The following SULF1 variants were observed in gnomAD, a reference collection of about 807,000 sequenced individuals.
The protein encoded by SULF1 is extracellular sulfatase Sulf-1.
Under a neutral mutation model 110.5 loss-of-function variants are expected in SULF1, and 46 were observed. The observed-to-expected ratio is 0.42, with a 90% CI of 0.33 to 0.53. The LOEUF (loss-of-function observed/expected upper bound fraction) is 0.53, where lower values mean the gene tolerates loss of function less well. Among genes scored for constraint, SULF1 ranks in the 20% least tolerant of loss-of-function variants. The probability of loss-of-function intolerance (pLI) is 0.12; values close to 1 mark genes in which losing one functional copy is unlikely to be tolerated. For synonymous variants in SULF1, 371 were observed against 387.1 expected (o/e 0.96, Z 0.49); for missense variants, 941 against 1,094.2 (o/e 0.86, Z 1.98).
rs1001736425 is a variant in SULF1, at chr8:69,659,285, T to C, written c.*750T>C. 7 of 438,744 alleles carry C rather than the reference T, an allele frequency of 1.6e-5. No homozygotes were observed. Among genetic ancestry groups the C allele is most frequent in the Non-Finnish European group, 3.2e-5 (7 of 219,386 alleles). The allele number at this position is 438,744 out of a possible 1,614,324, so 27.2% of individuals were successfully genotyped here. ...CACGAAAAGGAGAAGTCACAGCACC[T>C]AGAAGGCAGCGCCTCCTCTTCACTC... On this transcript the variant is annotated 3_prime_UTR_variant, in exon 23 of 23. Coordinates refer to ENST00000402687, the MANE Select transcript of SULF1 (RefSeq NM_001128205.2).
In SULF1 at chr8:69,601,789, C is replaced by T. The variant is rs775752303; in HGVS notation, c.1021C>T (p.Pro341Ser). 6.2e-7 allele frequency: 1 copy of T among 1,610,974 alleles called. No individual in the cohort carries two copies. The highest frequency in any genetic ancestry group is 2.2e-5 in the East Asian group (1 of 44,692). The change falls in exon 10 of 23, where the codon CCT becomes TCT. Residue 341 changes from proline to serine, a missense_variant. Physicochemically the swap from Pro to Ser is moderately conservative, Grantham distance 74. Around this residue, in one of 3 missense-constraint regions of SULF1, gnomAD observed 822 missense variants for 934.3 expected, o/e 0.88. Coordinates refer to ENST00000402687, the MANE Select transcript of SULF1 (RefSeq NM_001128205.2). The part of the protein sequence containing the change: ...SMPYDFDIRV[P>S]FFIRGPSVEP... ...GCCATATGACTTTGATATTCGTGTG[C>T]CTTTTTTTATTCGTGGTCCAAGTGT...
chr8:69,543,994 C>T lies in SULF1; in HGVS notation c.-133-19545C>T, dbSNP rs915692872. Among the ~76,000 whole-genome samples the T allele has an allele frequency of 4.6e-5, 7 of 152,196 alleles. 1 individual carries two copies. Among genetic ancestry groups the T allele is most frequent in the Admixed American group, 3.9e-4 (6 of 15,284 alleles). On this transcript the variant is annotated intron_variant, in intron 3 of 22. Coordinates refer to ENST00000402687, the MANE Select transcript of SULF1 (RefSeq NM_001128205.2). ...CCATGACAGGAAACACTTTGAGGAT[C>T]ATAGTCTAAACTAATCAAGTTTATC... is the stretch of plus-strand genomic sequence containing the variant.
chr8:69,527,374 T>C (rs565915529), intron 3 of SULF1, among the ~76,000 whole-genome samples: 1 of 151,872 alleles, frequency 6.6e-6, no homozygotes, highest in African/African-American at 2.4e-5. Flanking sequence ...AACCTGACAA[T>C]AGCCATGTCA....
At chr8:69,561,154 A>G (rs916289162) in intron 3 of SULF1, among the ~76,000 whole-genome samples, 1 of 152,260 alleles carries the variant, frequency 6.6e-6, no homozygotes. Context: ...AATGATAAGC[A>G]TGTGAGGAGA....
chr8:69,539,278 T>C (rs1813696253), intron 3 of SULF1, among the ~76,000 whole-genome samples: 1 of 152,236 alleles, frequency 6.6e-6, no homozygotes, highest in Non-Finnish European at 1.5e-5. Context: ...TTTTTACTTT[T>C]TTTTAGTCTA....
At chr8:69,590,436 A>G (rs989778405) in intron 8 of SULF1, among the ~76,000 whole-genome samples, 1 of 152,202 alleles carries the variant, frequency 6.6e-6, no homozygotes, top group African/African-American at 2.4e-5. Flanking sequence ...AAGTGCTGGG[A>G]TTACAGGCAT....
At chr8:69,653,809 C>G (rs181634501) in intron 22 of SULF1, among the ~76,000 whole-genome samples, 5 of 152,314 alleles carry the variant, frequency 3.3e-5, no homozygotes, top group Admixed American at 1.3e-4. Flanking sequence ...ACACTCTTAT[C>G]TCCCTGGAGA....
At chr8:69,625,707 C>T (rs566558775) in intron 15 of SULF1, among the ~76,000 whole-genome samples, 9 of 152,250 alleles carry the variant, frequency 5.9e-5, no homozygotes, top group Admixed American at 5.2e-4. Flanking sequence ...CTCATAAAAG[C>T]GGCGTGGACC....
At chr8:69,641,860 A>G (rs1469083923) in intron 22 of SULF1, among the ~76,000 whole-genome samples, 1 of 152,000 alleles carries the variant, frequency 6.6e-6, no homozygotes, top group Non-Finnish European at 1.5e-5. Flanking sequence ...TGCCCCTCCA[A>G]CCCTCATCCA....
upstream of SULF1, among the ~76,000 whole-genome samples, chr8:69,489,023 G>A (rs1809810035): frequency 6.6e-6 from 1 of 152,124 alleles, no homozygotes; most frequent in South Asian, 2.1e-4. Context: ...AGCCAGGTGG[G>A]CGTCCTTTCT....
chr8:69,478,766 TG>T (rs1359990342), intron 1 of SULF1, among the ~76,000 whole-genome samples: 4 of 152,214 alleles, frequency 2.6e-5, no homozygotes, highest in African/African-American at 9.6e-5. Context: ...TTTTTTAAAT[TG>T]CCTTCTCTCT....
intron 22 of SULF1, among the ~76,000 whole-genome samples, chr8:69,650,604 T>C (rs143193266): frequency 1.3e-5 from 2 of 152,320 alleles, no homozygotes; most frequent in East Asian, 3.9e-4. Context: ...AGCCAGACCC[T>C]GTTTCAAAAA....
At chr8:69,559,121 T>C in intron 3 of SULF1, among the ~76,000 whole-genome samples, 1 of 152,190 alleles carries the variant, frequency 6.6e-6, no homozygotes, top group East Asian at 1.9e-4. Context: ...CATGAATAAG[T>C]AGTTGGAAAG....
At chr8:69,590,268 T>TCTCC (rs1372243197) in intron 8 of SULF1, among the ~76,000 whole-genome samples, 2 of 152,076 alleles carry the variant, frequency 1.3e-5, no homozygotes, top group African/African-American at 4.8e-5. Flanking sequence ...TTCAAACAAT[T>TCTCC]CTCCCACCTC....
At chr8:69,509,738 A>G (rs372877010) in intron 3 of SULF1, among the ~76,000 whole-genome samples, 108 of 152,322 alleles carry the variant, frequency 7.1e-4, no homozygotes, top group African/African-American at 2.3e-3. Context: ...ACAGGGAAAT[A>G]TTCAATTTTC....
intron 13 of SULF1, among the ~76,000 whole-genome samples, chr8:69,612,949 T>G (rs1808778405): frequency 6.6e-6 from 1 of 152,018 alleles, no homozygotes; most frequent in Admixed American, 6.6e-5. Context: ...TCTAGAAGAG[T>G]TTTTCCAATG....
intron 13 of SULF1, among the ~76,000 whole-genome samples, chr8:69,620,032 G>A (rs1809483380): frequency 1.3e-5 from 2 of 152,162 alleles, no homozygotes; most frequent in Non-Finnish European, 2.9e-5. Flanking sequence ...ACACGGGCTT[G>A]AAGGATGAAT....
At position 69,511,306 on chromosome 8, in the gene SULF1, A is replaced by AT. The variant is rs370384302; in HGVS notation, c.-134+9345dup. On this transcript the variant is annotated intron_variant, in intron 3 of 22. Transcript: ENST00000402687. ...TGGATTTGTTTACCCTTTGGTTCAGATTTTTTTCTCCCATTCAATCATGAT... is the reference window on the plus strand; with the variant it reads ...TGGATTTGTTTACCCTTTGGTTCAGATTTTTTTTCTCCCATTCAATCATGAT... Among the ~76,000 whole-genome samples, 787 of 152,196 alleles carry AT rather than the reference A, an allele frequency of 5.2e-3. 7 individuals carry two copies. The highest frequency in any genetic ancestry group is 0.017 in the African/African-American group (714 of 41,524).
intron 5 of SULF1, among the ~76,000 whole-genome samples, chr8:69,575,440 A>G (rs1805536796): frequency 6.6e-6 from 1 of 152,208 alleles, no homozygotes; most frequent in Non-Finnish European, 1.5e-5. Context: ...ACCAACTTGC[A>G]TTGAAGATCT....
Sources: gnomAD v4.1 joint callset for allele counts (sites outside exome capture counted in the v4.1 genomes callset) on GRCh38, gnomAD v4.1.1 for gene constraint, gnomAD v4.1.1 regional missense constraint, MANE v1.5 for transcripts, NCBI Gene and HGNC (gene_info 2026-07-23, HGNC 2026-07-21) for gene names.